Variants in TMEM97 observed in about 807,000 individuals in gnomAD.
The protein encoded by TMEM97 is transmembrane protein 97, also known as sigma intracellular receptor 2.
In TMEM97, 13 loss-of-function variants were observed where a neutral mutation model predicts 18.3. The observed-to-expected ratio is 0.71, with a 90% CI of 0.46 to 1.13. The LOEUF (loss-of-function observed/expected upper bound fraction) is 1.13, where lower values mean the gene tolerates loss of function less well. Ranked by LOEUF, TMEM97 falls within the 50% of genes most tolerant of loss-of-function variation. The pLI is 0.00. For synonymous variants in TMEM97, 76 were observed against 85.3 expected, an observed-to-expected ratio of 0.89 and a Z score of 0.60; for missense variants, 205 against 210.5, an observed-to-expected ratio of 0.97 and a Z score of 0.16.
At position 28,326,432 on chromosome 17, in the gene TMEM97, G is replaced by T. The variant is rs1019195187; in HGVS notation, c.272-102G>T. 64 of 1,391,802 alleles carry T rather than the reference G, an allele frequency of 4.6e-5. No individual in the cohort carries two copies. The African/African-American group carries it at 8.8e-4, about 19-fold the overall frequency. The allele number at this position is 1,391,802 out of a possible 1,614,324, so 86.2% of individuals were successfully genotyped here. ...CAGTTCCGAGTTTCCACTTGGAGAA[G>T]GGAGTAGAAGAAAGCAGGCAGGCAG... On this transcript the variant is annotated intron_variant, in intron 2 of 2. Transcript: ENST00000226230.
intron 2 of TMEM97, among the ~76,000 whole-genome samples, chr17:28,326,034 T>C (rs1906320754): frequency 6.6e-6 from 1 of 152,252 alleles, no homozygotes; most frequent in Non-Finnish European, 1.5e-5. Flanking sequence ...TAATCCCTAA[T>C]GTGCTTCTCA....
rs1336380748 is a variant in TMEM97, at chr17:28,327,419, A to T, written c.*626A>T. 2 of 153,462 alleles carry T rather than the reference A, an allele frequency of 1.3e-5. No homozygotes were observed. The highest frequency in any genetic ancestry group is 4.8e-5 in the African/African-American group (2 of 41,456). The allele number at this position is 153,462 out of a possible 1,614,324, so 9.5% of individuals were successfully genotyped here. On this transcript the variant is annotated 3_prime_UTR_variant, in exon 3 of 3. Coordinates refer to ENST00000226230, the MANE Select transcript of TMEM97 (RefSeq NM_014573.3). ...AGATTACTAAAAGCAGGACCAGACC[A>T]GAAACTGCTAAAGAACATGGCCTGT...
Position 28,326,799 on chromosome 17 carries a change from A to G in TMEM97, c.*6A>G. The stretch of plus-strand genomic sequence containing the variant: ...AGAAAAGAAAAAAAAAATGAAGGAA[A>G]CAACCACTGGCCCAGGGTAGAGATG... On this transcript the variant is annotated 3_prime_UTR_variant, in exon 3 of 3. Transcript: ENST00000226230. 6.2e-7 allele frequency: 1 copy of G among 1,608,744 alleles called. No homozygotes were observed. The highest frequency in any genetic ancestry group is 8.5e-7 in the Non-Finnish European group (1 of 1,179,350).
chr17:28,321,848 G>T (rs186631448), intron 1 of TMEM97, among the ~76,000 whole-genome samples: 2 of 149,330 alleles, frequency 1.3e-5, no homozygotes, highest in African/African-American at 4.9e-5. Flanking sequence ...GTGTGTTTGT[G>T]TGAGATTTAG....
chr17:28,327,964 CAT>C lies in TMEM97; in HGVS notation c.*1172_*1173del, dbSNP rs1449937929. ...TCTTTTAATACAGTTCCGTCATTCC[CAT>C]CTTGTTTTCAGAAGAGAAGGTGGCT... On this transcript the variant is annotated 3_prime_UTR_variant, in exon 3 of 3. Coordinates refer to ENST00000226230, the MANE Select transcript of TMEM97 (RefSeq NM_014573.3). 2 of 152,586 alleles carry C rather than the reference CAT, an allele frequency of 1.3e-5. No homozygotes were observed. Among genetic ancestry groups the C allele is most frequent in the South Asian group, 2.1e-4 (1 of 4,826 alleles). The allele number at this position is 152,586 out of a possible 1,614,324, so 9.5% of individuals were successfully genotyped here. A position where few individuals can be genotyped will look rare whatever the true frequency, so the allele number is the denominator to read the frequency against.
Position 28,325,623 on chromosome 17 carries a change from A to G in TMEM97, c.247A>G (p.Ile83Val). Reference sequence around the variant, plus strand: ...TGTGTTTCAGCTGCCTTTCTTTCCCATTGCAACGTATGCCTTCCTCAAAGG... The same window carrying G: ...TGTGTTTCAGCTGCCTTTCTTTCCCGTTGCAACGTATGCCTTCCTCAAAGG... ...ELVFQLPFFP[I>V]ATYAFLKGSC... The change falls in exon 2 of 3, where the codon ATT (isoleucine) becomes GTT (valine). Residue 83 changes from isoleucine to valine, a missense_variant. Transcript: ENST00000226230. 1.9e-6 allele frequency: 3 copies of G among 1,614,168 alleles called. No homozygotes were observed. The highest frequency in any genetic ancestry group is 2.5e-6 in the Non-Finnish European group (3 of 1,180,038).
In TMEM97 at chr17:28,326,568, C is replaced by A; in HGVS notation, c.306C>A (p.Ile102=). ...SCKWIRTPAI[I]YSVHTMTTLI... ...AGTGGATTCGAACTCCTGCAATCAT[C>A]TACTCTGTTCACACCATGACAACCT... Residue 102 remains isoleucine (I), a synonymous_variant, in exon 3 of 3, where the codon ATC becomes ATA. Coordinates refer to ENST00000226230, the MANE Select transcript of TMEM97 (RefSeq NM_014573.3). 6.2e-7 allele frequency: 1 copy of A among 1,614,182 alleles called. No individual in the cohort carries two copies. Among genetic ancestry groups the A allele is most frequent in the Middle Eastern group, 1.6e-4 (1 of 6,062 alleles).
Position 28,326,713 on chromosome 17 carries a change from T to C in TMEM97, c.451T>C (p.Leu151=). 1 of 1,614,062 alleles carries C rather than the reference T, an allele frequency of 6.2e-7. No individual in the cohort carries two copies. The highest frequency in any genetic ancestry group is 8.5e-7 in the Non-Finnish European group (1 of 1,179,998). Residue 151 remains leucine (L), a synonymous_variant, in exon 3 of 3, where the codon TTA becomes CTA. Coordinates refer to ENST00000226230, the MANE Select transcript of TMEM97 (RefSeq NM_014573.3). The part of the protein sequence containing the change: ...LTLVSVYAPY[L]LIPFILLIFM... ...CCTTGTGTCTGTCTATGCCCCCTACTTACTCATCCCATTCATACTTTTAAT... is the reference window on the plus strand; with the variant it reads ...CCTTGTGTCTGTCTATGCCCCCTACCTACTCATCCCATTCATACTTTTAAT...
intron 2 of TMEM97, among the ~76,000 whole-genome samples, chr17:28,326,152 G>A (rs1555575422): frequency 6.6e-6 from 1 of 152,094 alleles, no homozygotes; most frequent in Non-Finnish European, 1.5e-5. Flanking sequence ...GTTTCCCATT[G>A]GCACCCCCTG....
At chr17:28,323,496 T>A (rs1304825508) in intron 1 of TMEM97, among the ~76,000 whole-genome samples, 5 of 151,596 alleles carry the variant, frequency 3.3e-5, no homozygotes, top group African/African-American at 9.7e-5. Flanking sequence ...AGTGGCTCGA[T>A]CTCGGCTCAC....
intron 1 of TMEM97, chr17:28,319,651 A>G (rs1029361211): frequency 6.1e-6 from 2 of 329,308 alleles, no homozygotes; most frequent in Non-Finnish European, 1.1e-5. Flanking sequence ...GCCGGTTGTC[A>G]GTGTCTGAGG....
At chr17:28,322,349 A>G (rs1431585171) in intron 1 of TMEM97, among the ~76,000 whole-genome samples, 2 of 151,768 alleles carry the variant, frequency 1.3e-5, no homozygotes, top group African/African-American at 4.8e-5. Context: ...GGTTCAAGCA[A>G]TTCTCCTGCC....
chr17:28,319,584 G>C (rs1906062795), intron 1 of TMEM97: 3 of 498,120 alleles, frequency 6.0e-6, no homozygotes, highest in Non-Finnish European at 1.0e-5. Flanking sequence ...CGAACGCTTT[G>C]TTTCCTTTAA....
chr17:28,328,107 A>G lies in TMEM97; in HGVS notation c.*1314A>G, dbSNP rs2142362926. 6.5e-6 allele frequency: 1 copy of G among 153,278 alleles called. No homozygotes were observed. Among genetic ancestry groups the G allele is most frequent in the South Asian group, 2.1e-4 (1 of 4,852 alleles). The allele number at this position is 153,278 out of a possible 1,614,324, so 9.5% of individuals were successfully genotyped here. On this transcript the variant is annotated 3_prime_UTR_variant, in exon 3 of 3. Coordinates refer to ENST00000226230, the MANE Select transcript of TMEM97 (RefSeq NM_014573.3). ...AAGTTCAACCTTAAAATGATGTTAGACAACAGGTCCCAGTCAGTTCCCTCT... is the reference window on the plus strand; with the variant it reads ...AAGTTCAACCTTAAAATGATGTTAGGCAACAGGTCCCAGTCAGTTCCCTCT...
intron 1 of TMEM97, among the ~76,000 whole-genome samples, chr17:28,321,070 C>G (rs1555574864): frequency 6.6e-6 from 1 of 152,188 alleles, no homozygotes; most frequent in Non-Finnish European, 1.5e-5. Flanking sequence ...TACTACAGGG[C>G]CAGAGAGTAC....
At chr17:28,325,814 G>A (rs1354500898) in intron 2 of TMEM97, 167 bp downstream of exon 2, 3 of 914,946 alleles carry the variant, frequency 3.3e-6, no homozygotes, top group Non-Finnish European at 4.8e-6. Flanking sequence ...ACATTAGTGT[G>A]GCTCAGGCTC....
intron 1 of TMEM97, among the ~76,000 whole-genome samples, chr17:28,320,187 C>T (rs1277248393): frequency 1.3e-5 from 2 of 152,060 alleles, no homozygotes; most frequent in African/African-American, 4.8e-5. Flanking sequence ...CTTGTCTACC[C>T]GAAGATTTTA....
intron 1 of TMEM97, among the ~76,000 whole-genome samples, chr17:28,321,196 G>A (rs1332979043): frequency 1.3e-5 from 2 of 152,252 alleles, no homozygotes; most frequent in South Asian, 2.1e-4. Context: ...AAACCTGTGT[G>A]GCCAGCAATA....
rs1244514700 is a variant in TMEM97 at position 28,325,538 on chromosome 17, C to T, written c.162C>T (p.Phe54=). ...TGCTGAAGTGGTATGCTAAGGAGTT[C>T]AAAGACCCACTGCTACAGGAGCCCC... The part of the protein sequence containing the change: ...RNLLKWYAKE[F]KDPLLQEPPA... Residue 54 remains phenylalanine (F), a synonymous_variant, in exon 2 of 3, where the codon TTC becomes TTT. Transcript: ENST00000226230. The T allele has an allele frequency of 1.9e-6, 3 of 1,614,180 alleles. No homozygotes were observed. The highest frequency in any genetic ancestry group is 8.5e-7 in the Non-Finnish European group (1 of 1,180,028).
Sources: allele counts gnomAD v4.1 joint callset (sites outside exome capture counted in the v4.1 genomes callset), GRCh38; gene constraint gnomAD v4.1.1; transcripts MANE v1.5; gene names NCBI Gene and HGNC (gene_info 2026-07-23, HGNC 2026-07-21).